The following BRINP3 variants were observed in gnomAD, a reference collection of about 807,000 sequenced individuals.
BRINP3 encodes the protein BMP/retinoic acid inducible neural specific 3.
In BRINP3, 19 loss-of-function variants were observed where a neutral mutation model predicts 71.0. The ratio of observed to expected loss-of-function variants is 0.27; its 90% CI spans 0.19 to 0.39. The LOEUF is 0.39. Ranked by LOEUF, BRINP3 falls within the 10% of genes least tolerant of loss-of-function variation. BRINP3 has a pLI of 1.00. For missense variants in BRINP3, 959 were observed against 940.8 expected (o/e 1.02, Z -0.25); for synonymous variants, 380 against 337.7 (o/e 1.13, Z -1.37).
chr1:190,339,324 AC>A (rs1351263305), intron 2 of BRINP3, among the ~76,000 whole-genome samples: 6 of 152,118 alleles, frequency 3.9e-5, no homozygotes, highest in African/African-American at 1.4e-4. Context: ...CTAGAAAAAA[AC>A]AAAGTCAGAT....
intron 2 of BRINP3, among the ~76,000 whole-genome samples, chr1:190,393,982 G>C (rs1671416487): frequency 6.6e-6 from 1 of 151,438 alleles, no homozygotes; most frequent in Non-Finnish European, 1.5e-5. Flanking sequence ...TATTTAACTT[G>C]AGAAATTACA....
At chr1:190,148,644 TAAATA>T (rs1558008952) in intron 7 of BRINP3, among the ~76,000 whole-genome samples, 1 of 149,128 alleles carries the variant, frequency 6.7e-6, no homozygotes, top group Non-Finnish European at 1.5e-5. Flanking sequence ...AATAAATAAA[TAAATA>T]AATTCTATCT....
At chr1:190,456,379 T>G (rs190678966) in intron 1 of BRINP3, among the ~76,000 whole-genome samples, 5 of 152,322 alleles carry the variant, frequency 3.3e-5, no homozygotes, top group African/African-American at 9.6e-5. Context: ...GCGTACCGTC[T>G]TTTGTAAACA....
intron 2 of BRINP3, among the ~76,000 whole-genome samples, chr1:190,384,761 T>C (rs531544366): frequency 6.6e-6 from 1 of 151,924 alleles, no homozygotes; most frequent in African/African-American, 2.4e-5. Flanking sequence ...TGAAGCACCC[T>C]GAACAAAATT....
At chr1:190,220,327 G>T (rs1656766157) in intron 6 of BRINP3, among the ~76,000 whole-genome samples, 1 of 152,054 alleles carries the variant, frequency 6.6e-6, no homozygotes, top group African/African-American at 2.4e-5. Context: ...TCAATCATAT[G>T]TGGGAGTTGA....
chr1:190,267,430 AG>A (rs1661749980), intron 3 of BRINP3, among the ~76,000 whole-genome samples: 2 of 152,242 alleles, frequency 1.3e-5, no homozygotes, highest in South Asian at 4.1e-4. Flanking sequence ...CAAATTTTAA[AG>A]GAAAATGTTA....
chr1:190,429,037 G>T (rs1673912483), intron 2 of BRINP3, among the ~76,000 whole-genome samples: 1 of 151,992 alleles, frequency 6.6e-6, no homozygotes, highest in Non-Finnish European at 1.5e-5. Flanking sequence ...TAAATCAGAT[G>T]CTGCTTTAGC....
intron 6 of BRINP3, among the ~76,000 whole-genome samples, chr1:190,222,473 A>G (rs1226157068): frequency 6.6e-6 from 1 of 151,960 alleles, no homozygotes; most frequent in Non-Finnish European, 1.5e-5. Flanking sequence ...CAAATAACCT[A>G]ACAATGAACC....
intron 4 of BRINP3, among the ~76,000 whole-genome samples, chr1:190,261,822 A>G (rs901959475): frequency 2.6e-5 from 4 of 152,178 alleles, no homozygotes; most frequent in African/African-American, 9.7e-5. Context: ...CAATGCATTG[A>G]ACCTTTAGGT....
rs746851050 is a variant in BRINP3 at position 190,277,113 on chromosome 1, A to ATATATATATATATATTTATT, written c.427+4446_427+4447insAATAAATATATATATATATA. Among the ~76,000 whole-genome samples, 23 of 107,486 alleles carry ATATATATATATATATTTATT rather than the reference A, an allele frequency of 2.1e-4. 1 individual carries two copies. In the Admixed American group the frequency reaches 2.4e-3, roughly 11 times the overall value. 70.5% of individuals were successfully genotyped at this position (107,486 alleles called of 152,430 possible). On this transcript the variant is annotated intron_variant, in intron 3 of 7. Transcript: ENST00000367462. ...TATATATATATATATATATATATAT[A>ATATATATATATATATTTATT]TATATTTATATTCAGAAAAGAAAAC... is the stretch of plus-strand genomic sequence containing the variant.
intron 6 of BRINP3, 112 bp from the exon 7 acceptor site, chr1:190,161,002 A>G: frequency 2.9e-6 from 2 of 698,456 alleles, no homozygotes; most frequent in South Asian, 4.1e-5. Context: ...ATGTCAAATT[A>G]AGAACAAATA....
At chr1:190,203,790 T>C (rs867123596) in intron 6 of BRINP3, among the ~76,000 whole-genome samples, 2 of 99,876 alleles carry the variant, frequency 2.0e-5, no homozygotes, top group African/African-American at 4.2e-5. Flanking sequence ...TATATATATA[T>C]ATATATATAT....
At chr1:190,120,982 A>AATTGAAAT (rs1310125577) in intron 7 of BRINP3, among the ~76,000 whole-genome samples, 1 of 152,184 alleles carries the variant, frequency 6.6e-6, no homozygotes, top group African/African-American at 2.4e-5. Flanking sequence ...TATCATGTAG[A>AATTGAAAT]ATTGAAATCA....
chr1:190,411,284 C>T (rs1672645889), intron 2 of BRINP3, among the ~76,000 whole-genome samples: 1 of 151,990 alleles, frequency 6.6e-6, no homozygotes, highest in South Asian at 2.1e-4. Context: ...CCTACCTCAC[C>T]CCATAGAAAT....
intron 7 of BRINP3, among the ~76,000 whole-genome samples, chr1:190,149,294 C>T (rs1304305695): frequency 6.6e-6 from 1 of 152,108 alleles, no homozygotes; most frequent in Non-Finnish European, 1.5e-5. Flanking sequence ...GTCTCTTCTG[C>T]TATTTAGATA....
At chr1:190,240,038 T>C (rs1301196015) in intron 4 of BRINP3, among the ~76,000 whole-genome samples, 2 of 151,670 alleles carry the variant, frequency 1.3e-5, no homozygotes, top group African/African-American at 4.8e-5. Context: ...ATTGAAGATA[T>C]ATAGATGATA....
chr1:190,184,478 A>G (rs1011014733), intron 6 of BRINP3, among the ~76,000 whole-genome samples: 3 of 152,158 alleles, frequency 2.0e-5, no homozygotes, highest in Admixed American at 2.0e-4. Flanking sequence ...CATGCAATCA[A>G]CCTAAGCGCC....
intron 2 of BRINP3, among the ~76,000 whole-genome samples, chr1:190,366,907 C>A (rs553231668): frequency 6.6e-6 from 1 of 152,220 alleles, no homozygotes; most frequent in African/African-American, 2.4e-5. Flanking sequence ...GCAGCTCCAT[C>A]CCTGTGGCTT....
chr1:190,263,996 A>C (rs1661427109), intron 4 of BRINP3, among the ~76,000 whole-genome samples: 1 of 152,192 alleles, frequency 6.6e-6, no homozygotes, highest in African/African-American at 2.4e-5. Context: ...ATGAAAGGTT[A>C]GATTTGAAAC....
Sources: gnomAD v4.1 joint callset for allele counts (sites outside exome capture counted in the v4.1 genomes callset) on GRCh38, gnomAD v4.1.1 for gene constraint, MANE v1.5 for transcripts, NCBI Gene and HGNC (gene_info 2026-07-23, HGNC 2026-07-21) for gene names.